The following C2orf66 variants were observed in gnomAD, a reference collection of about 807,000 sequenced individuals.
C2orf66 encodes the protein uncharacterized protein C2orf66.
Under a neutral mutation model 7.0 loss-of-function variants are expected in C2orf66, and 6 were observed. The ratio of observed to expected loss-of-function variants is 0.86; its 90% CI spans 0.47 to 1.69. C2orf66 has a LOEUF of 1.69. Ranked by LOEUF, C2orf66 falls within the 40% of genes most tolerant of loss-of-function variation. The probability of loss-of-function intolerance (pLI) is 0.01; values close to 1 mark genes in which losing one functional copy is unlikely to be tolerated. For missense variants in C2orf66, 107 were observed against 112.0 expected, an observed-to-expected ratio of 0.96 and a Z score of 0.20; for synonymous variants, 38 against 43.8, an observed-to-expected ratio of 0.87 and a Z score of 0.52.
the C2orf66 span, among the ~76,000 whole-genome samples, chr2:196,823,054 T>C: frequency 2.0e-4 from 30 of 150,890 alleles, no homozygotes; most frequent in East Asian, 1.7e-3. Flanking sequence ...GATTATAATA[T>C]GCAGGATAGA....
At chr2:196,829,060 C>CAT in the C2orf66 span, among the ~76,000 whole-genome samples, 3 of 152,100 alleles carry the variant, frequency 2.0e-5, no homozygotes, top group African/African-American at 7.2e-5. Context: ...CATATGTTAA[C>CAT]ATATATATGT....
the C2orf66 span, among the ~76,000 whole-genome samples, chr2:196,819,614 C>T: frequency 6.6e-6 from 1 of 152,170 alleles, no homozygotes; most frequent in African/African-American, 2.4e-5. Context: ...CCACTTGGCT[C>T]ATGGTTCACA....
chr2:196,821,631 C>T, the C2orf66 span, among the ~76,000 whole-genome samples: 1 of 152,140 alleles, frequency 6.6e-6, no homozygotes, highest in Admixed American at 6.5e-5. Flanking sequence ...GAAAAGAGGC[C>T]ACATCAGAAT....
At chr2:196,824,587 T>C in the C2orf66 span, among the ~76,000 whole-genome samples, 1 of 152,218 alleles carries the variant, frequency 6.6e-6, no homozygotes. Context: ...AATTTAAAAC[T>C]GTAAGGTCCA....
At chr2:196,806,888 C>A (rs1699826022) in intron 2 of C2orf66, among the ~76,000 whole-genome samples, 1 of 151,986 alleles carries the variant, frequency 6.6e-6, no homozygotes, top group South Asian at 2.1e-4. Flanking sequence ...AAATTCAAAT[C>A]TTAATAAATT....
the C2orf66 span, among the ~76,000 whole-genome samples, chr2:196,826,421 C>A: frequency 6.6e-6 from 1 of 152,046 alleles, no homozygotes; most frequent in African/African-American, 2.4e-5. Context: ...AGTTTGCAAT[C>A]AAAAAAGTCT....
rs1559311007 is a variant in C2orf66, at chr2:196,804,657, G to C, written c.*771C>G. Among the ~76,000 whole-genome samples, 1 of 152,230 alleles carries C rather than the reference G, an allele frequency of 6.6e-6. No individual in the cohort carries two copies. Among genetic ancestry groups the C allele is most frequent in the Admixed American group, 6.5e-5 (1 of 15,284 alleles). On this transcript the variant is annotated 3_prime_UTR_variant, in exon 3 of 3. Transcript: ENST00000342506. Reference sequence around the variant, plus strand: ...AACTCAGCATGAGCTAGAGTAAGGAGAGCAGGGGCTGGTTGGAAAGAGAGG... The same window carrying C: ...AACTCAGCATGAGCTAGAGTAAGGACAGCAGGGGCTGGTTGGAAAGAGAGG...
the C2orf66 span, among the ~76,000 whole-genome samples, chr2:196,829,769 C>A: frequency 8.6e-5 from 13 of 151,752 alleles, 1 homozygote; most frequent in Middle Eastern, 0.021. Flanking sequence ...TGGTGGCGGG[C>A]GCCTGTAGTC....
At chr2:196,809,099 T>G in intron 1 of C2orf66, 115 bp downstream of exon 1, 3 of 1,149,844 alleles carry the variant, frequency 2.6e-6, no homozygotes, top group Non-Finnish European at 3.7e-6. Context: ...TGGAGAATTT[T>G]CTCAACCCTT....
At chr2:196,825,135 G>T in the C2orf66 span, among the ~76,000 whole-genome samples, 1 of 150,270 alleles carries the variant, frequency 6.7e-6, no homozygotes, top group Admixed American at 6.7e-5. Context: ...TCAGGAGGCT[G>T]AGGCAAAAGA....
At chr2:196,820,844 G>T in the C2orf66 span, among the ~76,000 whole-genome samples, 1 of 152,178 alleles carries the variant, frequency 6.6e-6, no homozygotes, top group African/African-American at 2.4e-5. Context: ...AGTAGTATGA[G>T]ACCTTAGAAG....
At chr2:196,828,460 G>A in the C2orf66 span, among the ~76,000 whole-genome samples, 3 of 152,018 alleles carry the variant, frequency 2.0e-5, no homozygotes, top group African/African-American at 4.8e-5. Context: ...TGTAGCATGC[G>A]GACTTCTAAA....
the C2orf66 span, among the ~76,000 whole-genome samples, chr2:196,815,273 T>G: frequency 6.6e-6 from 1 of 152,130 alleles, no homozygotes; most frequent in Non-Finnish European, 1.5e-5. Flanking sequence ...CTGGCCAGTT[T>G]CTTGATTTTA....
the C2orf66 span, among the ~76,000 whole-genome samples, chr2:196,830,267 C>T: frequency 2.0e-5 from 3 of 152,120 alleles, no homozygotes; most frequent in Admixed American, 2.0e-4. Context: ...CCAGGCCCCT[C>T]CCCTAAAGAT....
Position 196,807,384 on chromosome 2 carries a change from G to A in C2orf66, c.*19+40C>T, listed in dbSNP as rs60328400. ...AAAATATCTACTTTATGGCTGACTTGTATGTTTGGACAGATCCAGAATAAA... is the reference window on the plus strand; with the variant it reads ...AAAATATCTACTTTATGGCTGACTTATATGTTTGGACAGATCCAGAATAAA... On this transcript the variant is annotated intron_variant, in intron 2 of 2. Transcript: ENST00000342506. The A allele has an allele frequency of 7.1e-4, 814 of 1,144,338 alleles. 3 individuals are homozygous for A. The African/African-American group carries it at 0.012, about 16-fold the overall frequency. The allele number at this position is 1,144,338 out of a possible 1,614,324, so 70.9% of individuals were successfully genotyped here.
chr2:196,812,699 A>C (rs970236937), upstream of C2orf66, among the ~76,000 whole-genome samples: 1 of 152,260 alleles, frequency 6.6e-6, no homozygotes, highest in South Asian at 2.1e-4. Context: ...GTCTCAGCCC[A>C]AAATCTCCTT....
the C2orf66 span, among the ~76,000 whole-genome samples, chr2:196,821,927 GCTT>G: frequency 5.3e-5 from 3 of 57,098 alleles, no homozygotes; most frequent in African/African-American, 1.7e-4. Context: ...GAACCAGTGA[GCTT>G]TTTTTTTTTT....
At chr2:196,826,892 G>T in the C2orf66 span, among the ~76,000 whole-genome samples, 5 of 151,916 alleles carry the variant, frequency 3.3e-5, no homozygotes, top group African/African-American at 4.8e-5. Context: ...ATTAGCTGGC[G>T]TGGTGGCGGG....
the C2orf66 span, among the ~76,000 whole-genome samples, chr2:196,821,544 T>C: frequency 1.3e-5 from 2 of 152,334 alleles, no homozygotes; most frequent in East Asian, 3.9e-4. Context: ...GGATTTGGAT[T>C]GAAATATCTA....
Sources: gnomAD v4.1 joint callset for allele counts (sites outside exome capture counted in the v4.1 genomes callset) on GRCh38, gnomAD v4.1.1 for gene constraint, MANE v1.5 for transcripts, NCBI Gene and HGNC (gene_info 2026-07-23, HGNC 2026-07-21) for gene names.